Variants in FAM13A observed in about 807,000 individuals in gnomAD.
The protein encoded by FAM13A is family with sequence similarity 13 member A, also known as protein FAM13A.
In FAM13A, 76 loss-of-function variants were observed where a neutral mutation model predicts 129.6. That is an observed-to-expected ratio of 0.59 (90% CI 0.49 to 0.71). The LOEUF is 0.71. FAM13A is among the 30% of genes least tolerant of loss of function. The probability of loss-of-function intolerance (pLI) is 0.00; values close to 1 mark genes in which losing one functional copy is unlikely to be tolerated. For synonymous variants in FAM13A, 443 were observed against 449.9 expected (o/e 0.98, Z 0.20); for missense variants, 1,108 against 1,249.3 (o/e 0.89, Z 1.70).
At chr4:88,869,943 T>C (rs532445477) in intron 6 of FAM13A, among the ~76,000 whole-genome samples, 1 of 152,262 alleles carries the variant, frequency 6.6e-6, no homozygotes, top group South Asian at 2.1e-4. Flanking sequence ...CACAAAATAC[T>C]CATAATTTAT....
intron 2 of FAM13A, 69 bp from the exon 3 acceptor site, chr4:89,020,738 C>A (rs116144428): frequency 2.0e-6 from 2 of 995,098 alleles, no homozygotes; most frequent in Non-Finnish European, 3.2e-6. Context: ...AGAATGATAA[C>A]AACACAAAGA....
rs577064030 is a variant in FAM13A at position 88,982,398 on chromosome 4, T to G, written c.605+8575A>C. On this transcript the variant is annotated intron_variant, in intron 4 of 23. Coordinates refer to ENST00000264344, the MANE Select transcript of FAM13A (RefSeq NM_014883.4). ...GCAATTTTAAATGTATTTAATTAAA[T>G]GCACATGGATTCTAACTCTGCCAAT... 2.0e-5 allele frequency among the ~76,000 whole-genome samples: 3 copies of G among 152,356 alleles called. No individual in the cohort carries two copies. The South Asian group carries it at 6.2e-4, about 32-fold the overall frequency.
At chr4:88,769,788 A>C (rs1319652476) in intron 11 of FAM13A, among the ~76,000 whole-genome samples, 1 of 151,830 alleles carries the variant, frequency 6.6e-6, no homozygotes, top group Non-Finnish European at 1.5e-5. Flanking sequence ...GCCAAGATGC[A>C]CCACTGCACT....
At chr4:89,015,923 TAC>T (rs1376509133) in intron 3 of FAM13A, among the ~76,000 whole-genome samples, 1 of 152,166 alleles carries the variant, frequency 6.6e-6, no homozygotes, top group Non-Finnish European at 1.5e-5. Context: ...CATACATATA[TAC>T]GTGTATGTTA....
At chr4:88,775,557 A>G (rs1004967567) in intron 11 of FAM13A, among the ~76,000 whole-genome samples, 1 of 152,050 alleles carries the variant, frequency 6.6e-6, no homozygotes, top group Non-Finnish European at 1.5e-5. Context: ...AATTTTAAAA[A>G]TTAGCTGGGT....
chr4:88,966,700 A>C (rs1759397289), intron 4 of FAM13A, among the ~76,000 whole-genome samples: 1 of 152,172 alleles, frequency 6.6e-6, no homozygotes, highest in African/African-American at 2.4e-5. Flanking sequence ...GTTCTATTCT[A>C]TGTTAAGAGG....
At chr4:89,015,326 ATT>A (rs1341958510) in intron 3 of FAM13A, among the ~76,000 whole-genome samples, 1 of 152,062 alleles carries the variant, frequency 6.6e-6, no homozygotes, top group Non-Finnish European at 1.5e-5. Context: ...CCCACACCCT[ATT>A]TGTACACTCC....
At chr4:88,887,800 T>C (rs1296407361) in intron 6 of FAM13A, among the ~76,000 whole-genome samples, 1 of 152,230 alleles carries the variant, frequency 6.6e-6, no homozygotes, top group Non-Finnish European at 1.5e-5. Flanking sequence ...CCCAACGTGC[T>C]GGGATTACAG....
intron 4 of FAM13A, among the ~76,000 whole-genome samples, chr4:88,952,702 C>T (rs1350653901): frequency 6.6e-6 from 1 of 152,138 alleles, no homozygotes; most frequent in East Asian, 1.9e-4. Flanking sequence ...AATCCCAGCA[C>T]TTTGGGAGGC....
rs1211081138 is a variant in FAM13A at position 88,727,425 on chromosome 4, CTTCT to C, written c.*1104_*1107del. The C allele has an allele frequency of 1.3e-5, 2 of 152,580 alleles. No individual in the cohort carries two copies. Among genetic ancestry groups the C allele is most frequent in the Non-Finnish European group, 1.5e-5 (1 of 68,028 alleles). The allele number at this position is 152,580 out of a possible 1,614,324, so 9.5% of individuals were successfully genotyped here. ...AATTATAATTGGCCACACAGCATGA[CTTCT>C]TTTTTTTCTTTTTATACATGATCTC... On this transcript the variant is annotated 3_prime_UTR_variant, in exon 24 of 24. Transcript: ENST00000264344.
chr4:88,902,271 T>C (rs1747418932), intron 6 of FAM13A, among the ~76,000 whole-genome samples: 1 of 152,110 alleles, frequency 6.6e-6, no homozygotes, highest in African/African-American at 2.4e-5. Context: ...GCCAGCATCA[T>C]CCTGATACCA....
intron 7 of FAM13A, among the ~76,000 whole-genome samples, chr4:88,811,556 T>C (rs902445491): frequency 4.4e-5 from 6 of 136,770 alleles, no homozygotes; most frequent in Non-Finnish European, 9.4e-5. Flanking sequence ...TGCATGGAGG[T>C]AGGGGTATGT....
intron 4 of FAM13A, among the ~76,000 whole-genome samples, chr4:88,982,873 A>G (rs1761810529): frequency 2.0e-5 from 3 of 152,056 alleles, no homozygotes; most frequent in Admixed American, 2.0e-4. Context: ...TTCATTATCC[A>G]CCCAATCTCA....
chr4:89,004,951 GGTTT>G (rs1218737943), intron 3 of FAM13A, among the ~76,000 whole-genome samples: 1 of 150,036 alleles, frequency 6.7e-6, no homozygotes, highest in African/African-American at 2.4e-5. Context: ...TACATGTGAA[GGTTT>G]GTTACATAGG....
chr4:89,049,723 T>A (rs1016239898), intron 1 of FAM13A, among the ~76,000 whole-genome samples: 3 of 151,946 alleles, frequency 2.0e-5, no homozygotes, highest in African/African-American at 7.2e-5. Flanking sequence ...GTGGTGCATC[T>A]CAGCTCACTG....
chr4:88,920,786 G>C lies in FAM13A; in HGVS notation c.760-14324C>G, dbSNP rs551876067. ...GGAGGAAATTCAAACCAAAGGCAAA[G>C]AAGTTAAAAACTTTGAAAAAAATTT... On this transcript the variant is annotated intron_variant, in intron 5 of 23. Transcript: ENST00000264344. 7.3e-4 allele frequency among the ~76,000 whole-genome samples: 111 copies of C among 152,212 alleles called. 1 individual carries two copies. Among genetic ancestry groups the C allele is most frequent in the Admixed American group, 7.3e-3 (111 of 15,272 alleles).
chr4:88,846,399 A>G (rs1736647946), intron 7 of FAM13A, among the ~76,000 whole-genome samples: 1 of 152,242 alleles, frequency 6.6e-6, no homozygotes, highest in Non-Finnish European at 1.5e-5. Flanking sequence ...AGGATGAGAA[A>G]ACAAAGAGCT....
chr4:88,832,423 A>T lies in FAM13A; in HGVS notation c.1007+18597T>A, dbSNP rs1561112860. ...AAACTAAAGAGCTTCTGCACAGCAA[A>T]AGAAACTATCATCAGAGTGAACAGA... On this transcript the variant is annotated intron_variant, in intron 7 of 23. Transcript: ENST00000264344. Among the ~76,000 whole-genome samples, 10 of 152,356 alleles carry T rather than the reference A, an allele frequency of 6.6e-5. 1 individual carries two copies. In the South Asian group the frequency reaches 2.1e-3, roughly 32 times the overall value.
Position 88,883,202 on chromosome 4 carries a change from G to C in FAM13A, c.843+23177C>G, listed in dbSNP as rs570743727. On this transcript the variant is annotated intron_variant, in intron 6 of 23. Coordinates refer to ENST00000264344, the MANE Select transcript of FAM13A (RefSeq NM_014883.4). ...TACAGAACATTCTACTAAACAACTA[G>C]AGAATATACATTCTATTCATCAACA... is the stretch of plus-strand genomic sequence containing the variant. Among the ~76,000 whole-genome samples, 4 of 152,042 alleles carry C rather than the reference G, an allele frequency of 2.6e-5. No homozygotes were observed. In the East Asian group the frequency reaches 5.8e-4, roughly 22 times the overall value.
Sources: gnomAD v4.1 joint callset for allele counts (sites outside exome capture counted in the v4.1 genomes callset) on GRCh38, gnomAD v4.1.1 for gene constraint, MANE v1.5 for transcripts, NCBI Gene and HGNC (gene_info 2026-07-23, HGNC 2026-07-21) for gene names.